NDUFV2: variants seen among roughly 807,000 people sequenced by gnomAD.
The protein encoded by NDUFV2 is NADH dehydrogenase [ubiquinone] flavoprotein 2, mitochondrial.
NDUFV2 carries 18 observed loss-of-function variants against 31.6 expected under a neutral mutation model. That is an observed-to-expected ratio of 0.57 (90% CI 0.39 to 0.84). The LOEUF is 0.84. Among genes scored for constraint, NDUFV2 ranks in the 40% least tolerant of loss-of-function variants. The probability of loss-of-function intolerance (pLI) is 0.00; values close to 1 mark genes in which losing one functional copy is unlikely to be tolerated. For synonymous variants in NDUFV2, 83 were observed against 99.8 expected (o/e 0.83, Z 1.01); for missense variants, 314 against 303.6 (o/e 1.03, Z -0.26).
chr18:9,106,887 T>G (rs2077844410), intron 1 of NDUFV2, among the ~76,000 whole-genome samples: 1 of 129,042 alleles, frequency 7.7e-6, no homozygotes, highest in Admixed American at 8.2e-5. Flanking sequence ...GCAAGTCTAG[T>G]TCTTATATCA....
At chr18:9,116,100 A>AT (rs1455503882) in intron 1 of NDUFV2, among the ~76,000 whole-genome samples, 2 of 152,142 alleles carry the variant, frequency 1.3e-5, no homozygotes, top group African/African-American at 4.8e-5. Context: ...ATCTTTACTC[A>AT]TTTTTTAAGT....
intron 1 of NDUFV2, chr18:9,105,026 C>T: frequency 6.8e-7 from 1 of 1,478,842 alleles, no homozygotes; most frequent in Non-Finnish European, 9.1e-7. Context: ...GTATTCTGAA[C>T]AGCTTTCCTT....
intron 1 of NDUFV2, 73 bp downstream of exon 1, chr18:9,102,870 G>A: frequency 6.8e-7 from 1 of 1,480,088 alleles, no homozygotes; most frequent in African/African-American, 1.4e-5. Context: ...TTAGTTTTGG[G>A]CGCAGGAGAG....
intron 1 of NDUFV2, chr18:9,103,439 C>A: frequency 3.5e-6 from 1 of 287,248 alleles, no homozygotes; most frequent in East Asian, 6.0e-5. Context: ...TCATGGTAGG[C>A]AAGGAAATTG....
At chr18:9,130,549 ATGT>A (rs1408109895) in intron 7 of NDUFV2, among the ~76,000 whole-genome samples, 1 of 152,218 alleles carries the variant, frequency 6.6e-6, no homozygotes, top group East Asian at 1.9e-4. Context: ...CAATACTAGA[ATGT>A]CTTGTCAGCA....
At chr18:9,133,203 A>G (rs975009912) in intron 7 of NDUFV2, among the ~76,000 whole-genome samples, 3 of 152,244 alleles carry the variant, frequency 2.0e-5, no homozygotes, top group Non-Finnish European at 4.4e-5. Context: ...GATTGATGAC[A>G]CAATGTGAAG....
At chr18:9,103,052 T>C (rs768135742) in intron 1 of NDUFV2, 6 of 457,956 alleles carry the variant, frequency 1.3e-5, no homozygotes, top group Non-Finnish European at 2.3e-5. Flanking sequence ...CTTGGTGATA[T>C]ATATATATAT....
intron 7 of NDUFV2, among the ~76,000 whole-genome samples, chr18:9,131,032 A>C (rs2078035908): frequency 6.6e-6 from 1 of 152,238 alleles, no homozygotes; most frequent in Non-Finnish European, 1.5e-5. Context: ...AACTTTACTC[A>C]TAGCCTGCAG....
chr18:9,126,893 A>C lies in NDUFV2; in HGVS notation c.642A>C (p.Pro214=), dbSNP rs2143075343. 6.2e-7 allele frequency: 1 copy of C among 1,613,514 alleles called. No homozygotes were observed. The highest frequency in any genetic ancestry group is 1.3e-5 in the African/African-American group (1 of 75,052). Residue 214 remains proline, a synonymous_variant, in exon 7 of 8, where the codon CCA becomes CCC. Coordinates refer to ENST00000318388, the MANE Select transcript of NDUFV2 (RefSeq NM_021074.5). ...ATGAGCTCAAGGCTGGCAAAATCCC[A>C]AAACCAGGGCCAAGGTATGCTTTAT... ...IIDELKAGKI[P]KPGPRSGRFS... is the part of the protein sequence containing the mutation.
At chr18:9,116,420 C>A (rs1277830120) in intron 1 of NDUFV2, among the ~76,000 whole-genome samples, 1 of 152,114 alleles carries the variant, frequency 6.6e-6, no homozygotes, top group African/African-American at 2.4e-5. Context: ...TGATGTTACT[C>A]AAAAATTGTT....
rs1568195471 is a variant in NDUFV2 at position 9,126,892 on chromosome 18, CA to C, written c.645del (p.Lys215AsnfsTer20). 1 of 1,613,444 alleles carries C rather than the reference CA, an allele frequency of 6.2e-7. No homozygotes were observed. Among genetic ancestry groups the C allele is most frequent in the African/African-American group, 1.3e-5 (1 of 74,890 alleles). Reference sequence around the variant, plus strand: ...GATGAGCTCAAGGCTGGCAAAATCCCAAAACCAGGGCCAAGGTATGCTTTAT... The same window carrying C: ...GATGAGCTCAAGGCTGGCAAAATCCCAAACCAGGGCCAAGGTATGCTTTAT... ...IIDELKAGKI[P>X]KPGPRSGRFS... On this transcript the variant is annotated frameshift_variant, in exon 7 of 8. Coordinates refer to ENST00000318388, the MANE Select transcript of NDUFV2 (RefSeq NM_021074.5). LOFTEE classifies it high-confidence loss of function.
chr18:9,119,746 T>C (rs995740849), intron 4 of NDUFV2, among the ~76,000 whole-genome samples, 156 bp downstream of exon 4: 2 of 152,210 alleles, frequency 1.3e-5, no homozygotes, highest in African/African-American at 4.8e-5. Context: ...CTTTGTGTTT[T>C]TGTTCATTCC....
At chr18:9,118,170 TCA>T (rs1198042229) in intron 2 of NDUFV2, among the ~76,000 whole-genome samples, 3 of 152,222 alleles carry the variant, frequency 2.0e-5, no homozygotes, top group African/African-American at 7.2e-5. Context: ...CTGATTCTCA[TCA>T]CACTTTGGGT....
intron 7 of NDUFV2, among the ~76,000 whole-genome samples, chr18:9,133,710 C>G (rs1391209346): frequency 6.6e-6 from 1 of 152,102 alleles, no homozygotes; most frequent in Non-Finnish European, 1.5e-5. Context: ...GGATCTTGAT[C>G]TAAATAAAAT....
intron 6 of NDUFV2, 90 bp downstream of exon 6, chr18:9,125,073 TTC>T: frequency 7.3e-7 from 1 of 1,367,208 alleles, no homozygotes; most frequent in Non-Finnish European, 1.0e-6. Context: ...AGATGTTGGT[TTC>T]TGAATTACTC....
chr18:9,104,811 C>A, intron 1 of NDUFV2: 9 of 728,734 alleles, frequency 1.2e-5, no homozygotes, highest in South Asian at 3.7e-5. Context: ...ATTTTTATTA[C>A]ACACGTCATA....
intron 4 of NDUFV2, 86 bp from the exon 5 acceptor site, chr18:9,122,427 T>C (rs971823303): frequency 8.2e-7 from 1 of 1,224,100 alleles, no homozygotes; most frequent in Middle Eastern, 2.2e-4. Context: ...ATTGAGACAA[T>C]ATTGAAATTA....
intron 1 of NDUFV2, among the ~76,000 whole-genome samples, chr18:9,106,784 T>G (rs930328118): frequency 3.7e-4 from 56 of 152,192 alleles, no homozygotes; most frequent in African/African-American, 1.3e-3. Flanking sequence ...TTCATTCCTT[T>G]TTGGAGGCTC....
chr18:9,131,148 ATTAAAAT>A (rs761795764), intron 7 of NDUFV2, among the ~76,000 whole-genome samples: 1 of 152,248 alleles, frequency 6.6e-6, no homozygotes, highest in Non-Finnish European at 1.5e-5. Context: ...AGAAAATGTT[ATTAAAAT>A]CATAATGAAA....
Sources: allele counts gnomAD v4.1 joint callset (sites outside exome capture counted in the v4.1 genomes callset), GRCh38; gene constraint gnomAD v4.1.1; transcripts MANE v1.5; gene names NCBI Gene and HGNC (gene_info 2026-07-23, HGNC 2026-07-21).